Variants in DENND2B observed in about 807,000 individuals in gnomAD.
The protein encoded by DENND2B is DENN domain containing 2B.
A neutral mutation model predicts 116.0 loss-of-function variants in DENND2B; 32 were observed. That is an observed-to-expected ratio of 0.28 (90% CI 0.21 to 0.37). The LOEUF (loss-of-function observed/expected upper bound fraction) is 0.37, where lower values mean the gene tolerates loss of function less well. Ranked by LOEUF, DENND2B falls within the 10% of genes least tolerant of loss-of-function variation. DENND2B has a pLI of 1.00. For synonymous variants in DENND2B, 588 were observed against 583.9 expected (o/e 1.01, Z -0.10); for missense variants, 1,276 against 1,477.7 (o/e 0.86, Z 2.24).
At chr11:8,792,902 CA>C (rs2134344813) in intron 1 of DENND2B, among the ~76,000 whole-genome samples, 1 of 152,286 alleles carries the variant, frequency 6.6e-6, no homozygotes, top group South Asian at 2.1e-4. Flanking sequence ...CTTTGATCAG[CA>C]AATCTTTCCT....
intron 1 of DENND2B, among the ~76,000 whole-genome samples, chr11:8,779,674 G>A (rs977227426): frequency 8.6e-5 from 13 of 151,748 alleles, no homozygotes; most frequent in African/African-American, 2.7e-4. Context: ...CCACCACACC[G>A]GCTAATATTT....
chr11:8,714,270 C>CCA (rs2044316939), intron 7 of DENND2B, among the ~76,000 whole-genome samples: 3 of 152,234 alleles, frequency 2.0e-5, no homozygotes. Context: ...AGCTGAGGGC[C>CCA]TGAGTTGGAG....
At chr11:8,697,723 A>G in intron 16 of DENND2B, 87 bp from the exon 17 acceptor site, 2 of 851,494 alleles carry the variant, frequency 2.3e-6, no homozygotes, top group Non-Finnish European at 4.0e-6. Context: ...GCGTGAGTAG[A>G]TAATCTCATT....
intron 2 of DENND2B, among the ~76,000 whole-genome samples, chr11:8,738,717 G>C (rs1471982393): frequency 6.6e-6 from 1 of 152,132 alleles, no homozygotes; most frequent in African/African-American, 2.4e-5. Flanking sequence ...ATGAAAAACT[G>C]ATCATGCTTG....
At chr11:8,803,729 C>T in intron 1 of DENND2B, among the ~76,000 whole-genome samples, 1 of 152,144 alleles carries the variant, frequency 6.6e-6, no homozygotes, top group East Asian at 1.9e-4. Flanking sequence ...ATTATCACTC[C>T]CAACTTACAG....
chr11:8,704,067 C>T (rs910457899), intron 13 of DENND2B, among the ~76,000 whole-genome samples: 1 of 152,224 alleles, frequency 6.6e-6, no homozygotes, highest in Non-Finnish European at 1.5e-5. Context: ...TCCCCCTTCC[C>T]CCAGGGATTG....
In DENND2B at chr11:8,717,806, A is replaced by G. The variant is rs1449712905; in HGVS notation, c.1564T>C (p.Ser522Pro). 14 of 1,612,640 alleles carry G rather than the reference A, an allele frequency of 8.7e-6. No homozygotes were observed. The highest frequency in any genetic ancestry group is 2.2e-5 in the East Asian group (1 of 44,840). ...CACATCCTGTGCAAAGAGTCCAAGG[A>G]GTTCTCAGACAGTTGCTGGGATTTT... ...GRKSQQLSEN[S>P]LDSLHRMWSP... The change falls in exon 5 of 20, where the codon TCC becomes CCC. Residue 522 changes from serine (S) to proline (P), a missense_variant. Coordinates refer to ENST00000313726, the MANE Select transcript of DENND2B (RefSeq NM_213618.2).
At chr11:8,769,182 A>G (rs1279372512) in intron 1 of DENND2B, among the ~76,000 whole-genome samples, 1 of 151,674 alleles carries the variant, frequency 6.6e-6, no homozygotes, top group Non-Finnish European at 1.5e-5. Context: ...GCCAGCAGAG[A>G]ACCACTTTGA....
At chr11:8,784,953 A>G (rs1259000371) in intron 1 of DENND2B, among the ~76,000 whole-genome samples, 1 of 152,152 alleles carries the variant, frequency 6.6e-6, no homozygotes, top group Non-Finnish European at 1.5e-5. Flanking sequence ...ACTTGAAACT[A>G]AACAGGGAAG....
chr11:8,748,634 G>A (rs542753489), intron 2 of DENND2B, among the ~76,000 whole-genome samples: 3 of 152,308 alleles, frequency 2.0e-5, no homozygotes, highest in Admixed American at 2.0e-4. Flanking sequence ...GGGAGGGAAG[G>A]AAGGAGAGAA....
At chr11:8,828,345 T>G (rs2062058682) in intron 4 of DENND2B, among the ~76,000 whole-genome samples, 1 of 151,986 alleles carries the variant, frequency 6.6e-6, no homozygotes, top group Non-Finnish European at 1.5e-5. Flanking sequence ...GCACCAAAAT[T>G]CATTCAGGAG....
Position 8,693,745 on chromosome 11 carries a change from G to C in DENND2B, c.*351C>G, listed in dbSNP as rs1279036647. The C allele has an allele frequency of 1.2e-5, 3 of 246,754 alleles. No homozygotes were observed. Among genetic ancestry groups the C allele is most frequent in the Admixed American group, 1.1e-4 (2 of 18,582 alleles). 15.3% of individuals were successfully genotyped at this position (246,754 alleles called of 1,614,324 possible). A position where few individuals can be genotyped will look rare whatever the true frequency, so the allele number is the denominator to read the frequency against. On this transcript the variant is annotated 3_prime_UTR_variant, in exon 20 of 20. Coordinates refer to ENST00000313726, the MANE Select transcript of DENND2B (RefSeq NM_213618.2). ...CAGGCAGGCAGGCCGAAGGCCTCCA[G>C]GGAAGATCAGTGGTTTGGCTGAGAC...
chr11:8,890,625 G>A (rs555872627), intron 1 of DENND2B, among the ~76,000 whole-genome samples: 1 of 152,254 alleles, frequency 6.6e-6, no homozygotes, highest in South Asian at 2.1e-4. Flanking sequence ...TCAGTCAACT[G>A]GAAGAAAGGG....
At chr11:8,812,715 A>C (rs1169858888), upstream of DENND2B, among the ~76,000 whole-genome samples, 1 of 152,148 alleles carries the variant, frequency 6.6e-6, no homozygotes, top group Non-Finnish European at 1.5e-5. Flanking sequence ...CCACCTACAG[A>C]GCCTACTGAC....
In DENND2B at chr11:8,717,849, C is replaced by G; in HGVS notation, c.1521G>C (p.Lys507Asn). ...KENPYEDVDL[K>N]SRRAGRKSQQ... is the part of the protein sequence containing the mutation. ...GGGATTTTCGTCCTGCTCTTCGGCT[C>G]TTTAAGTCCACATCCTCATATGGAT... The change falls in exon 5 of 20, where the codon AAG (lysine) becomes AAC (asparagine). Residue 507 changes from lysine (K) to asparagine (N), a missense_variant. Around this residue, in one of 2 missense-constraint regions of DENND2B, gnomAD observed 856 missense variants for 846.6 expected, o/e 1.01. Coordinates refer to ENST00000313726, the MANE Select transcript of DENND2B (RefSeq NM_213618.2). 1 of 1,613,364 alleles carries G rather than the reference C, an allele frequency of 6.2e-7. No individual in the cohort carries two copies. Among genetic ancestry groups the G allele is most frequent in the East Asian group, 2.2e-5 (1 of 44,858 alleles).
intron 1 of DENND2B, chr11:8,756,918 G>A: frequency 2.5e-6 from 1 of 407,132 alleles, no homozygotes; most frequent in Non-Finnish European, 4.9e-6. Flanking sequence ...GAAACTGCAT[G>A]TTTAGAAAAG....
intron 2 of DENND2B, among the ~76,000 whole-genome samples, chr11:8,749,046 C>T (rs1282354905): frequency 6.6e-6 from 1 of 152,154 alleles, no homozygotes; most frequent in East Asian, 1.9e-4. Context: ...GACACAATCA[C>T]ATATATTTGT....
At chr11:8,864,970 C>G (rs956089446) in intron 2 of DENND2B, among the ~76,000 whole-genome samples, 6 of 152,208 alleles carry the variant, frequency 3.9e-5, no homozygotes, top group Non-Finnish European at 5.9e-5. Context: ...CAAAGTGACC[C>G]CTGCCTACTC....
At chr11:8,810,685 T>C (rs1329009381), upstream of DENND2B, 2 of 152,290 alleles carry the variant, frequency 1.3e-5, no homozygotes, top group African/African-American at 4.8e-5. Flanking sequence ...AGCAGAGCAC[T>C]GCTAGCCGGC....
Sources: gnomAD v4.1 joint callset for allele counts (sites outside exome capture counted in the v4.1 genomes callset) on GRCh38, gnomAD v4.1.1 for gene constraint, gnomAD v4.1.1 regional missense constraint, MANE v1.5 for transcripts, NCBI Gene and HGNC (gene_info 2026-07-23, HGNC 2026-07-21) for gene names.